CYP2C19: variants seen among roughly 807,000 people sequenced by gnomAD.
The protein encoded by CYP2C19 is cytochrome P450 family 2 subfamily C member 19.
In CYP2C19, 59 loss-of-function variants were observed where a neutral mutation model predicts 40.9. That is an observed-to-expected ratio of 1.44 (90% confidence interval 1.17 to 1.79). The LOEUF (loss-of-function observed/expected upper bound fraction) is 1.79. Ranked by LOEUF, CYP2C19 falls within the 40% of genes most tolerant of loss-of-function variation. The pLI, the probability that CYP2C19 is intolerant of heterozygous loss-of-function variation, is 0.00. For synonymous variants in CYP2C19, 253 were observed against 208.7 expected, an observed-to-expected ratio of 1.21 and a Z score of -1.83; for missense variants, 754 against 596.9, an observed-to-expected ratio of 1.26 and a Z score of -2.74.
intron 5 of CYP2C19, among the ~76,000 whole-genome samples, chr10:94,816,836 T>A (rs933298156): frequency 6.7e-6 from 1 of 149,718 alleles, no homozygotes; most frequent in African/African-American, 2.5e-5. Flanking sequence ...GTGTTTGGTT[T>A]TTTGTTCTTG....
At chr10:94,806,379 T>A (rs1848836695) in intron 5 of CYP2C19, among the ~76,000 whole-genome samples, 1 of 152,078 alleles carries the variant, frequency 6.6e-6, no homozygotes, top group Admixed American at 6.6e-5. Flanking sequence ...AATAAATATC[T>A]CTTTGATGTG....
intron 5 of CYP2C19, among the ~76,000 whole-genome samples, chr10:94,791,960 G>A (rs771942940): frequency 1.3e-5 from 2 of 152,072 alleles, no homozygotes; most frequent in Non-Finnish European, 2.9e-5. Context: ...GTTGACAGTG[G>A]GGTGTTAAAG....
At chr10:94,796,656 C>T (rs1033760482) in intron 5 of CYP2C19, among the ~76,000 whole-genome samples, 2 of 152,044 alleles carry the variant, frequency 1.3e-5, no homozygotes, top group African/African-American at 2.4e-5. Context: ...TAGTTTGTGT[C>T]CTGTTTTATT....
At chr10:94,789,444 C>T (rs553391131) in intron 5 of CYP2C19, among the ~76,000 whole-genome samples, 8 of 152,076 alleles carry the variant, frequency 5.3e-5, no homozygotes, top group Non-Finnish European at 7.4e-5. Context: ...AATGGTATTG[C>T]GTAGGTTTTC....
intron 1 of CYP2C19, chr10:94,774,298 T>C (rs1239235613): frequency 1.3e-5 from 2 of 152,178 alleles, no homozygotes; most frequent in East Asian, 3.8e-4. Flanking sequence ...ATAAGTGACA[T>C]GTGGCTTATG....
chr10:94,853,275 C>A lies in CYP2C19; in HGVS notation c.*361C>A, dbSNP rs1324533040. On this transcript the variant is annotated 3_prime_UTR_variant, in exon 9 of 9. Transcript: ENST00000371321. Reference sequence around the variant, plus strand: ...TTATTTGCTGAGTCAGGTTATTAGACCTTCCTTCCTTTGTGCATAATGCAG... The same window carrying A: ...TTATTTGCTGAGTCAGGTTATTAGAACTTCCTTCCTTTGTGCATAATGCAG... 2 of 369,046 alleles carry A rather than the reference C, an allele frequency of 5.4e-6. No homozygotes were observed. Among genetic ancestry groups the A allele is most frequent in the East Asian group, 8.9e-5 (1 of 11,252 alleles). 22.9% of individuals were successfully genotyped at this position (369,046 alleles called of 1,614,324 possible).
chr10:94,796,388 T>G lies in CYP2C19; in HGVS notation c.819+14391T>G, dbSNP rs547202475. On this transcript the variant is annotated intron_variant, in intron 5 of 8. Transcript: ENST00000371321. ...ATGGTACAAGTACCATGCTGTTTTG[T>G]TTACTGTAGCCTTGCAGTATAGTTG... is the stretch of plus-strand genomic sequence containing the variant. Among the ~76,000 whole-genome samples the G allele has an allele frequency of 5.3e-5, 8 of 152,274 alleles. No homozygotes were observed. The South Asian group carries it at 1.7e-3, about 32-fold the overall frequency.
intron 7 of CYP2C19, among the ~76,000 whole-genome samples, chr10:94,845,755 AG>A (rs1483840522): frequency 6.6e-6 from 1 of 152,164 alleles, no homozygotes; most frequent in Non-Finnish European, 1.5e-5. Flanking sequence ...ATTTTAATAT[AG>A]TACTTATTTA....
chr10:94,816,334 C>A (rs533682541), intron 5 of CYP2C19, among the ~76,000 whole-genome samples: 1 of 150,086 alleles, frequency 6.7e-6, no homozygotes, highest in East Asian at 1.9e-4. Context: ...ACAAAGTAGC[C>A]GGTATAATTA....
At chr10:94,821,413 T>G (rs1701571882) in intron 6 of CYP2C19, among the ~76,000 whole-genome samples, 1 of 152,198 alleles carries the variant, frequency 6.6e-6, no homozygotes, top group Admixed American at 6.5e-5. Context: ...ATGGTAATCC[T>G]AGAAATGTAG....
In CYP2C19 at chr10:94,847,818, G is replaced by C. The variant is rs537108417; in HGVS notation, c.1150-2099G>C. On this transcript the variant is annotated intron_variant, in intron 7 of 8. Transcript: ENST00000371321. The stretch of plus-strand genomic sequence containing the variant: ...CATTGTGGTTGTGATTTGCATTTTT[G>C]TGATGGCCAGTGATGATGAGCATTT... 3.1e-3 allele frequency among the ~76,000 whole-genome samples: 478 copies of C among 152,206 alleles called. 3 individuals are homozygous for C. Among genetic ancestry groups the C allele is most frequent in the African/African-American group, 0.011 (454 of 41,542 alleles).
At chr10:94,835,680 T>C (rs2134281361) in intron 6 of CYP2C19, among the ~76,000 whole-genome samples, 1 of 152,258 alleles carries the variant, frequency 6.6e-6, no homozygotes, top group East Asian at 1.9e-4. Flanking sequence ...TTCCTGAGGT[T>C]TGATAGATGT....
chr10:94,845,495 A>G (rs1342479517), intron 7 of CYP2C19, among the ~76,000 whole-genome samples: 1 of 152,142 alleles, frequency 6.6e-6, no homozygotes, highest in Non-Finnish European at 1.5e-5. Flanking sequence ...GTCCAGTAGA[A>G]TTTTCTGCAA....
At chr10:94,816,522 T>A (rs1000883071) in intron 5 of CYP2C19, among the ~76,000 whole-genome samples, 3 of 152,124 alleles carry the variant, frequency 2.0e-5, no homozygotes, top group Admixed American at 6.5e-5. Context: ...ACAGTCTTTG[T>A]ACTACTTATT....
rs180873189 is a variant in CYP2C19 at position 94,789,209 on chromosome 10, A to G, written c.819+7212A>G. On this transcript the variant is annotated intron_variant, in intron 5 of 8. Coordinates refer to ENST00000371321, the MANE Select transcript of CYP2C19 (RefSeq NM_000769.4). ...GATGGGGTTGTTTTTTTTTCTTTTA[A>G]ATTTGTTTAAGTTCTTTGTTGATTC... Among the ~76,000 whole-genome samples, 450 of 149,936 alleles carry G rather than the reference A, an allele frequency of 3.0e-3. 3 individuals are homozygous for G. Among genetic ancestry groups the G allele is most frequent in the African/African-American group, 0.01 (424 of 40,818 alleles).
At chr10:94,804,159 C>T (rs1428252028) in intron 5 of CYP2C19, among the ~76,000 whole-genome samples, 2 of 152,112 alleles carry the variant, frequency 1.3e-5, no homozygotes, top group Non-Finnish European at 2.9e-5. Flanking sequence ...CTCCACTCCT[C>T]AATCTTAGGG....
rs116066923 is a variant in CYP2C19, at chr10:94,823,938, A to G, written c.961+3301A>G. On this transcript the variant is annotated intron_variant, in intron 6 of 8. Transcript: ENST00000371321. ...CCTAGAAAACAACTACTTCAGAATG[A>G]ACCTGGTGGATAATTCAGAAGTGAG... 3.1e-3 allele frequency among the ~76,000 whole-genome samples: 473 copies of G among 152,308 alleles called. 3 individuals carry two copies. Among genetic ancestry groups the G allele is most frequent in the African/African-American group, 0.011 (450 of 41,578 alleles).
chr10:94,849,308 T>C (rs914086378), intron 7 of CYP2C19, among the ~76,000 whole-genome samples: 13 of 151,838 alleles, frequency 8.6e-5, no homozygotes, highest in Admixed American at 7.9e-4. Flanking sequence ...TCAAATGTGG[T>C]TGTGGGCATT....
At chr10:94,792,996 A>T (rs1010273415) in intron 5 of CYP2C19, among the ~76,000 whole-genome samples, 8 of 152,132 alleles carry the variant, frequency 5.3e-5, no homozygotes, top group Admixed American at 3.9e-4. Context: ...TACACCAATC[A>T]GATGTAGATT....
Sources: gnomAD v4.1 joint callset for allele counts (sites outside exome capture counted in the v4.1 genomes callset) on GRCh38, gnomAD v4.1.1 for gene constraint, MANE v1.5 for transcripts, NCBI Gene and HGNC (gene_info 2026-07-23, HGNC 2026-07-21) for gene names.